The following AGBL1 variants were observed in gnomAD, a reference collection of about 807,000 sequenced individuals.
AGBL1 encodes AGBL carboxypeptidase 1, also known as cytosolic carboxypeptidase 4.
AGBL1 carries 130 observed loss-of-function variants against 118.9 expected under a neutral mutation model. The observed-to-expected ratio is 1.09, with a 90% CI of 0.95 to 1.26. The LOEUF (loss-of-function observed/expected upper bound fraction) is 1.26. Ranked by LOEUF, AGBL1 falls within the 50% of genes most tolerant of loss-of-function variation. The pLI is 0.00. For missense variants in AGBL1, 1,584 were observed against 1,298.1 expected (o/e 1.22, Z -3.38); for synonymous variants, 555 against 478.9 (o/e 1.16, Z -2.08).
chr15:86,107,006 C>T (rs1190991658), intron 1 of AGBL1, among the ~76,000 whole-genome samples: 1 of 152,082 alleles, frequency 6.6e-6, no homozygotes, highest in African/African-American at 2.4e-5. Flanking sequence ...GTGACACACG[C>T]CTGGAGGAGA....
At chr15:86,483,149 T>A (rs1236554514) in intron 18 of AGBL1, among the ~76,000 whole-genome samples, 1 of 152,088 alleles carries the variant, frequency 6.6e-6, no homozygotes, top group Non-Finnish European at 1.5e-5. Flanking sequence ...GGGCCCATGT[T>A]CAAAATATGG....
intron 21 of AGBL1, among the ~76,000 whole-genome samples, chr15:86,560,508 A>G (rs2083801812): frequency 6.6e-6 from 1 of 152,202 alleles, no homozygotes; most frequent in Non-Finnish European, 1.5e-5. Flanking sequence ...CTTGGTGTAT[A>G]TGTGCCACAT....
intron 22 of AGBL1, among the ~76,000 whole-genome samples, chr15:86,858,828 G>C (rs1478147315): frequency 2.0e-5 from 3 of 152,178 alleles, no homozygotes; most frequent in Non-Finnish European, 4.4e-5. Flanking sequence ...AGGTCTAAAA[G>C]ACTACTGCAT....
intron 22 of AGBL1, among the ~76,000 whole-genome samples, chr15:86,817,650 C>G (rs66589208): frequency 0.38 from 52,522 of 139,050 alleles, 10,563 homozygotes; most frequent in Non-Finnish European, 0.47. Flanking sequence ...CACACACAGA[C>G]ACACACACAC....
chr15:86,639,840 T>C (rs1282490201), intron 21 of AGBL1, among the ~76,000 whole-genome samples: 1 of 152,178 alleles, frequency 6.6e-6, no homozygotes, highest in African/African-American at 2.4e-5. Context: ...ATTTTCAGCC[T>C]CATCACATTA....
intron 16 of AGBL1, among the ~76,000 whole-genome samples, chr15:86,281,689 T>C (rs1259824359): frequency 6.6e-6 from 1 of 152,146 alleles, no homozygotes; most frequent in Non-Finnish European, 1.5e-5. Context: ...GAACAGAACA[T>C]CAGCCCTTGA....
intron 22 of AGBL1, among the ~76,000 whole-genome samples, chr15:86,835,588 G>C (rs1420217445): frequency 6.6e-6 from 1 of 152,042 alleles, no homozygotes; most frequent in Non-Finnish European, 1.5e-5. Flanking sequence ...AAAGGGAGGA[G>C]AGAGAGAGAG....
At chr15:86,716,543 C>G (rs753040521) in intron 22 of AGBL1, among the ~76,000 whole-genome samples, 2 of 152,086 alleles carry the variant, frequency 1.3e-5, no homozygotes, top group Non-Finnish European at 2.9e-5. Flanking sequence ...TTAAAGATAA[C>G]CAACTGACCA....
At chr15:86,461,069 A>G (rs1179388641) in intron 18 of AGBL1, among the ~76,000 whole-genome samples, 1 of 152,094 alleles carries the variant, frequency 6.6e-6, no homozygotes, top group Non-Finnish European at 1.5e-5. Context: ...AGGTCAGTGG[A>G]TGTCAACCTT....
intron 15 of AGBL1, among the ~76,000 whole-genome samples, chr15:86,277,168 T>C (rs1442845484): frequency 6.8e-6 from 1 of 147,300 alleles, no homozygotes; most frequent in Non-Finnish European, 1.5e-5. Context: ...TTTTTTGGAA[T>C]TCCAGCAGTG....
chr15:86,930,844 C>G (rs561424293), intron 23 of AGBL1, among the ~76,000 whole-genome samples: 27 of 152,026 alleles, frequency 1.8e-4, no homozygotes, highest in African/African-American at 6.5e-4. Context: ...AGCAACTTGG[C>G]AAGCAAAAAG....
intron 1 of AGBL1, among the ~76,000 whole-genome samples, chr15:86,082,271 A>T (rs932836747): frequency 3.9e-5 from 6 of 152,242 alleles, no homozygotes; most frequent in African/African-American, 1.4e-4. Context: ...AGGTGAGCTC[A>T]CATTGTTTCT....
chr15:86,318,112 A>C (rs1042557783), intron 17 of AGBL1, among the ~76,000 whole-genome samples: 5 of 152,250 alleles, frequency 3.3e-5, no homozygotes, highest in African/African-American at 9.6e-5. Context: ...CAAAAGTTTT[A>C]TGTCCTAATT....
At chr15:86,951,063 C>T (rs116858061) in intron 23 of AGBL1, among the ~76,000 whole-genome samples, 45 of 152,142 alleles carry the variant, frequency 3.0e-4, no homozygotes, top group African/African-American at 8.2e-4. Context: ...ATTTTGTGTC[C>T]GAGCACCTAA....
At chr15:86,479,097 C>A (rs777310733) in intron 18 of AGBL1, among the ~76,000 whole-genome samples, 2 of 151,938 alleles carry the variant, frequency 1.3e-5, no homozygotes, top group South Asian at 2.1e-4. Context: ...TGGATTAAAG[C>A]CTTAAATGTT....
intron 3 of AGBL1, among the ~76,000 whole-genome samples, chr15:86,152,524 T>G (rs1183978315): frequency 6.6e-6 from 1 of 152,184 alleles, no homozygotes; most frequent in Non-Finnish European, 1.5e-5. Flanking sequence ...TCAAGATGGA[T>G]TGAAGACTTA....
intron 21 of AGBL1, among the ~76,000 whole-genome samples, chr15:86,565,127 A>C (rs1428396461): frequency 4.6e-5 from 7 of 152,178 alleles, no homozygotes; most frequent in African/African-American, 1.7e-4. Flanking sequence ...TTCTTCTCTC[A>C]AATCGTCAAA....
In AGBL1 at chr15:86,497,125, T is replaced by C. The variant is rs144249654; in HGVS notation, c.2556-25685T>C. Among the ~76,000 whole-genome samples, 395 of 152,198 alleles carry C rather than the reference T, an allele frequency of 2.6e-3. 1 individual carries two copies. The highest frequency in any genetic ancestry group is 4.0e-3 in the Non-Finnish European group (274 of 67,962). ...ACACTCTTTCTCATCTTCTGTGATA[T>C]TGTTTTTAATTTTAATAAGACTTAT... On this transcript the variant is annotated intron_variant, in intron 18 of 22. Coordinates refer to ENST00000614907, the MANE Select transcript of AGBL1 (RefSeq NM_001386094.1).
intron 22 of AGBL1, among the ~76,000 whole-genome samples, chr15:86,870,454 CAAAA>C (rs770556494): frequency 1.1e-4 from 7 of 64,114 alleles, no homozygotes; most frequent in African/African-American, 4.6e-4. Flanking sequence ...AAGCATACTG[CAAAA>C]AAAAAAAAAA....
Sources: allele counts gnomAD v4.1 joint callset (sites outside exome capture counted in the v4.1 genomes callset), GRCh38; gene constraint gnomAD v4.1.1; transcripts MANE v1.5; gene names NCBI Gene and HGNC (gene_info 2026-07-23, HGNC 2026-07-21).